The following NPC1 variants were observed in gnomAD, a reference collection of about 807,000 sequenced individuals.
NPC1 encodes the protein Niemann-Pick C1 protein.
Under a neutral mutation model 140.4 loss-of-function variants are expected in NPC1, and 85 were observed. The ratio of observed to expected loss-of-function variants is 0.61; its 90% confidence interval spans 0.51 to 0.72. The LOEUF (loss-of-function observed/expected upper bound fraction) is 0.72, where lower values mean the gene tolerates loss of function less well. Among genes scored for constraint, NPC1 ranks in the 30% least tolerant of loss-of-function variants. The pLI, the probability that NPC1 is intolerant of heterozygous loss-of-function variation, is 0.00. For missense variants in NPC1, 1,504 were observed against 1,623.8 expected (o/e 0.93, Z 1.27); for synonymous variants, 656 against 624.8 (o/e 1.05, Z -0.74).
At chr18:23,507,052 G>A in intron 3 of NPC1, 1 of 1,590,328 alleles carries the variant, frequency 6.3e-7, no homozygotes, top group Non-Finnish European at 8.6e-7. Flanking sequence ...CTCAAAGACT[G>A]TGGTAAGACT....
chr18:23,511,859 A>AC (rs1333533979), intron 3 of NPC1, among the ~76,000 whole-genome samples: 1 of 152,156 alleles, frequency 6.6e-6, no homozygotes, highest in East Asian at 1.9e-4. Flanking sequence ...GAGTTGCAGT[A>AC]TAGGTACGAA....
chr18:23,542,517 A>G (rs547466505), intron 14 of NPC1, among the ~76,000 whole-genome samples: 29 of 151,576 alleles, frequency 1.9e-4, no homozygotes, highest in African/African-American at 6.5e-4. Context: ...GGACAGAGTC[A>G]CTTTGCTCTT....
chr18:23,556,278 AG>A lies in NPC1; in HGVS notation c.1290del (p.Phe431LeufsTer18). The A allele has an allele frequency of 6.2e-7, 1 of 1,614,170 alleles. No homozygotes were observed. The highest frequency in any genetic ancestry group is 8.5e-7 in the Non-Finnish European group (1 of 1,180,040). Reference protein sequence around the residue: ...YQPYPSGADVPFGPPLDIQIL... With the variant: ...YQPYPSGADVXFGPPLDIQIL... Reference sequence around the variant, plus strand: ...ATCTGTATGTCAAGCGGAGGTCCAAAGGGTACATCAGCTCCCGAAGGGTATG... The same window carrying A: ...ATCTGTATGTCAAGCGGAGGTCCAAAGGTACATCAGCTCCCGAAGGGTATG... On this transcript the variant is annotated frameshift_variant, in exon 8 of 25. Transcript: ENST00000269228. LOFTEE classifies it high-confidence loss of function.
At chr18:23,565,703 C>T (rs889386983) in intron 4 of NPC1, among the ~76,000 whole-genome samples, 1 of 152,182 alleles carries the variant, frequency 6.6e-6, no homozygotes, top group Non-Finnish European at 1.5e-5. Context: ...AAGTATTTCC[C>T]ATACTAAAGT....
intron 4 of NPC1, among the ~76,000 whole-genome samples, chr18:23,562,505 A>G (rs925395180): frequency 2.0e-5 from 3 of 151,894 alleles, no homozygotes; most frequent in African/African-American, 7.3e-5. Flanking sequence ...CTTCAAGGAG[A>G]TGCTTACACA....
intron 20 of NPC1, 53 bp downstream of exon 20, chr18:23,538,489 A>G: frequency 1.2e-6 from 2 of 1,609,534 alleles, no homozygotes; most frequent in Non-Finnish European, 8.5e-7. Flanking sequence ...CTAGTTTTCT[A>G]CTGCAAATTA....
chr18:23,576,442 G>GA, intron 1 of NPC1: 1 of 985,036 alleles, frequency 1.0e-6, no homozygotes, highest in Non-Finnish European at 1.2e-6. Context: ...TCATCCTGCC[G>GA]AAAGAAGCAA....
chr18:23,560,169 G>A (rs2059017185), intron 6 of NPC1, 62 bp downstream of exon 6: 3 of 1,606,760 alleles, frequency 1.9e-6, no homozygotes, highest in Admixed American at 1.7e-5. Flanking sequence ...ACAAATGAAA[G>A]CTCAAAGTGC....
chr18:23,537,233 CTAACTTTTGTATTTT>C (rs2145360166), intron 20 of NPC1, among the ~76,000 whole-genome samples: 1 of 152,282 alleles, frequency 6.6e-6, no homozygotes, highest in South Asian at 2.1e-4. Context: ...CCACGCTCAA[CTAACTTTTGTATTTT>C]TTTAGTAGAG....
chr18:23,561,357 T>A lies in NPC1; in HGVS notation c.631+3A>T. Reference sequence around the variant, plus strand: ...ACACCAAACTTGGAATCTTTATACCTACCTGAAAACACAGGAGTGATGGTA... The same window carrying A: ...ACACCAAACTTGGAATCTTTATACCAACCTGAAAACACAGGAGTGATGGTA... On this transcript the variant is annotated splice_donor_region_variant and intron_variant, in intron 5 of 24. Coordinates refer to ENST00000269228, the MANE Select transcript of NPC1 (RefSeq NM_000271.5). 1 of 1,614,144 alleles carries A rather than the reference T, an allele frequency of 6.2e-7. No individual in the cohort carries two copies. The highest frequency in any genetic ancestry group is 1.1e-5 in the South Asian group (1 of 91,088).
At chr18:23,551,474 C>G in intron 10 of NPC1, 153 bp downstream of exon 10, 1 of 744,592 alleles carries the variant, frequency 1.3e-6, no homozygotes, top group Non-Finnish European at 2.4e-6. Context: ...AAACCCAAAC[C>G]CAAAGCCAAA....
chr18:23,533,235 T>G, intron 24 of NPC1, 120 bp downstream of exon 24: 1 of 1,120,580 alleles, frequency 8.9e-7, no homozygotes, highest in Non-Finnish European at 1.3e-6. Context: ...TCAGTATCAT[T>G]TATCATTATC....
At chr18:23,579,687 G>A (rs547902642) in intron 1 of NPC1, among the ~76,000 whole-genome samples, 1 of 152,032 alleles carries the variant, frequency 6.6e-6, no homozygotes, top group African/African-American at 2.4e-5. Context: ...TCAGGAGATC[G>A]AGACCATCCT....
chr18:23,586,504 A>G lies in NPC1; in HGVS notation c.-161T>C. ...CAGCAGGCTGCGCGCGCCGGTCAGG[A>G]AGGAAGAAGGCGTCGTCGGCTCCGC... On this transcript the variant is annotated 5_prime_UTR_variant, in exon 1 of 25. Transcript: ENST00000269228. 1.4e-6 allele frequency: 2 copies of G among 1,405,682 alleles called. No homozygotes were observed. Among genetic ancestry groups the G allele is most frequent in the South Asian group, 1.6e-5 (1 of 64,382 alleles). 87.1% of individuals were successfully genotyped at this position (1,405,682 alleles called of 1,614,324 possible). A position where few individuals can be genotyped will look rare whatever the true frequency, so the allele number is the denominator to read the frequency against.
chr18:23,576,581 G>A (rs944119121), intron 1 of NPC1: 22 of 764,294 alleles, frequency 2.9e-5, no homozygotes, highest in Non-Finnish European at 3.5e-5. Flanking sequence ...CAAGAATGAA[G>A]CCGCGGACCC....
chr18:23,530,687 G>C (rs141714570), downstream of NPC1: 114 of 1,416,178 alleles, frequency 8.0e-5, no homozygotes, highest in Non-Finnish European at 1.0e-4. Context: ...GCTGGTGGGC[G>C]AGGACCCTGG....
At chr18:23,576,633 T>A in intron 1 of NPC1, 1 of 240,950 alleles carries the variant, frequency 4.2e-6, no homozygotes, top group Non-Finnish European at 6.8e-6. Flanking sequence ...GCGTCTGGAA[T>A]CTGTCCCTTC....
chr18:23,572,612 T>C (rs890218220), intron 2 of NPC1, among the ~76,000 whole-genome samples: 2 of 152,140 alleles, frequency 1.3e-5, no homozygotes, highest in African/African-American at 2.4e-5. Flanking sequence ...GGAGGGTGGA[T>C]TGCTTGAGCC....
chr18:23,577,338 T>A, intron 1 of NPC1, among the ~76,000 whole-genome samples: 1 of 143,394 alleles, frequency 7.0e-6, no homozygotes, highest in Non-Finnish European at 1.5e-5. Context: ...ATTGGTGCAC[T>A]CACAAACCTT....
Sources: allele counts gnomAD v4.1 joint callset (sites outside exome capture counted in the v4.1 genomes callset), GRCh38; gene constraint gnomAD v4.1.1; transcripts MANE v1.5; gene names NCBI Gene and HGNC (gene_info 2026-07-23, HGNC 2026-07-21).